GAL3ST2: variants seen among roughly 807,000 people sequenced by gnomAD.
GAL3ST2 encodes beta-galactose-3-O-sulfotransferase 2.
A neutral mutation model predicts 12.9 loss-of-function variants in GAL3ST2; 16 were observed. The observed-to-expected ratio is 1.24, with a 90% confidence interval of 0.84 to 1.88. GAL3ST2 has a LOEUF of 1.88. GAL3ST2 is among the 40% of genes most tolerant of loss of function. The pLI, the probability that GAL3ST2 is intolerant of heterozygous loss-of-function variation, is 0.00. For synonymous variants in GAL3ST2, 302 were observed against 273.9 expected (o/e 1.10, Z -1.01); for missense variants, 639 against 571.8 (o/e 1.12, Z -1.20).
At chr2:241,789,202 G>A (rs62193065) in intron 1 of GAL3ST2, among the ~76,000 whole-genome samples, 37,290 of 152,076 alleles carry the variant, frequency 0.25, 5,834 homozygotes, top group African/African-American at 0.45. Flanking sequence ...CCACTGTTTC[G>A]ATCTAGCAGG....
At position 241,795,740 on chromosome 2, in the gene GAL3ST2, T is replaced by C. The variant is rs562456520; in HGVS notation, c.30-3325T>C. Among the ~76,000 whole-genome samples the C allele has an allele frequency of 1.1e-3, 174 of 152,362 alleles. 1 individual carries two copies. The highest frequency in any genetic ancestry group is 2.2e-3 in the Non-Finnish European group (150 of 68,040). On this transcript the variant is annotated intron_variant, in intron 1 of 3. Coordinates refer to ENST00000192314, the MANE Select transcript of GAL3ST2 (RefSeq NM_022134.3). The surrounding 1 kb of genome is among the most constrained non-coding windows in gnomAD (Gnocchi z 4.5). ...GGCCTCGTTTGGGTTTGGGAAAACA[T>C]GTCCTCTCTCACGAAGACGTGGGTG... is the stretch of plus-strand genomic sequence containing the variant.
In GAL3ST2 at chr2:241,793,365, G is replaced by A. The variant is rs144926955; in HGVS notation, c.30-5700G>A. ...CTGTATGTATGTGTGTGTATTGTGT[G>A]TGTATGTATGTATTGTGTATGCATG... On this transcript the variant is annotated intron_variant, in intron 1 of 3. Coordinates refer to ENST00000192314, the MANE Select transcript of GAL3ST2 (RefSeq NM_022134.3). This position sits in a 1 kb window ranked among gnomAD's most constrained non-coding sequence, Gnocchi z 4.7. Among the ~76,000 whole-genome samples, 3 of 152,124 alleles carry A rather than the reference G, an allele frequency of 2.0e-5. No individual in the cohort carries two copies. The East Asian group carries it at 5.8e-4, about 29-fold the overall frequency.
chr2:241,789,481 C>T (rs1699671126), intron 1 of GAL3ST2, among the ~76,000 whole-genome samples: 1 of 152,134 alleles, frequency 6.6e-6, no homozygotes, highest in African/African-American at 2.4e-5. Flanking sequence ...CTTTAATATG[C>T]AAATTTAAGA....
rs531247029 is a variant in GAL3ST2, at chr2:241,795,609, C to T, written c.30-3456C>T. 1.3e-5 allele frequency among the ~76,000 whole-genome samples: 2 copies of T among 152,084 alleles called. No homozygotes were observed. Among genetic ancestry groups the T allele is most frequent in the East Asian group, 1.9e-4 (1 of 5,144 alleles). ...GAGTTAATCTCTAACTGTGCGGAGC[C>T]GTAAAACTGCCCTTCCCACCTCGTG... On this transcript the variant is annotated intron_variant, in intron 1 of 3. Coordinates refer to ENST00000192314, the MANE Select transcript of GAL3ST2 (RefSeq NM_022134.3). The surrounding 1 kb of genome is among the most constrained non-coding windows in gnomAD (Gnocchi z 4.5).
Position 241,793,655 on chromosome 2 carries a change from C to T in GAL3ST2, c.30-5410C>T, listed in dbSNP as rs1187503646. ...TGTTTGTGTGTACATATTGTGTATGCATATGTGTGTGTATGCACATATTGT... is the reference window on the plus strand; with the variant it reads ...TGTTTGTGTGTACATATTGTGTATGTATATGTGTGTGTATGCACATATTGT... On this transcript the variant is annotated intron_variant, in intron 1 of 3. Transcript: ENST00000192314. This position sits in a 1 kb window ranked among gnomAD's most constrained non-coding sequence, Gnocchi z 4.7. Among the ~76,000 whole-genome samples, 1 of 147,582 alleles carries T rather than the reference C, an allele frequency of 6.8e-6. No homozygotes were observed.
At chr2:241,798,348 C>T (rs765067182) in intron 1 of GAL3ST2, among the ~76,000 whole-genome samples, 1 of 152,220 alleles carries the variant, frequency 6.6e-6, no homozygotes, top group Non-Finnish European at 1.5e-5. Context: ...TGCTTCTCAC[C>T]GTTCTGGAGG....
chr2:241,788,695 A>G (rs1377211006), intron 1 of GAL3ST2, among the ~76,000 whole-genome samples: 1 of 152,180 alleles, frequency 6.6e-6, no homozygotes, highest in Non-Finnish European at 1.5e-5. Context: ...GCAGCCCTTC[A>G]GGGAAATCCC....
intron 1 of GAL3ST2, among the ~76,000 whole-genome samples, chr2:241,787,465 A>ATGT: frequency 6.7e-6 from 1 of 149,930 alleles, no homozygotes; most frequent in Non-Finnish European, 1.5e-5. Flanking sequence ...GTCCGGGAGC[A>ATGT]CCCCCTCCAG....
At chr2:241,784,383 G>T (rs1699603672) in intron 1 of GAL3ST2, among the ~76,000 whole-genome samples, 1 of 152,062 alleles carries the variant, frequency 6.6e-6, no homozygotes, top group Non-Finnish European at 1.5e-5. Context: ...TCTGTTTTGG[G>T]CTGCCTTTAT....
intron 1 of GAL3ST2, among the ~76,000 whole-genome samples, chr2:241,798,859 G>A (rs916256067): frequency 1.1e-4 from 16 of 152,164 alleles, no homozygotes; most frequent in African/African-American, 2.9e-4. Flanking sequence ...AGGGGTGGTC[G>A]GGATGGGGTC....
At chr2:241,792,276 T>C (rs111880961) in intron 1 of GAL3ST2, among the ~76,000 whole-genome samples, 2 of 152,052 alleles carry the variant, frequency 1.3e-5, no homozygotes, top group African/African-American at 4.8e-5. Context: ...GTGATCCACC[T>C]GCCTCAGCCT....
intron 1 of GAL3ST2, among the ~76,000 whole-genome samples, chr2:241,780,294 A>G (rs1474392216): frequency 6.6e-6 from 1 of 152,032 alleles, no homozygotes; most frequent in Non-Finnish European, 1.5e-5. Flanking sequence ...GCCGAGGTGG[A>G]TGGATCATGA....
Position 241,801,747 on chromosome 2 carries a change from C to A in GAL3ST2, c.120-34C>A, listed in dbSNP as rs1236627665. The stretch of plus-strand genomic sequence containing the variant: ...TGGGCGGGGGTTGGGGCATCTGCAC[C>A]CTTGCTGAAGGCTGCGTGTGCCTTC... On this transcript the variant is annotated intron_variant, in intron 2 of 3. Coordinates refer to ENST00000192314, the MANE Select transcript of GAL3ST2 (RefSeq NM_022134.3). The surrounding 1 kb of genome is among the most constrained non-coding windows in gnomAD (Gnocchi z 4.4). The A allele has an allele frequency of 1.2e-6, 2 of 1,600,584 alleles. No homozygotes were observed.
At chr2:241,794,346 G>A (rs1218938460) in intron 1 of GAL3ST2, among the ~76,000 whole-genome samples, 3 of 152,214 alleles carry the variant, frequency 2.0e-5, no homozygotes, top group Non-Finnish European at 1.5e-5. Flanking sequence ...TCCTGCAGGC[G>A]CTCACAGCTC....
At chr2:241,785,552 CAAAAAAAAA>C (rs80247515) in intron 1 of GAL3ST2, among the ~76,000 whole-genome samples, 1 of 72,836 alleles carries the variant, frequency 1.4e-5, no homozygotes, top group Admixed American at 1.3e-4. Context: ...AACTCCGTCT[CAAAAAAAAA>C]AAAAAAAAAA....
In GAL3ST2 at chr2:241,803,802, T is replaced by C. The variant is rs1213480034; in HGVS notation, c.833T>C (p.Leu278Pro). Residue 278 changes from leucine to proline, a missense_variant, in exon 4 of 4, where the codon CTG (leucine) becomes CCG (proline). By Grantham distance (98) the Leu-to-Pro change is moderately conservative. Transcript: ENST00000192314. ...GAGCGCGCGCGGAGCTGGTGCGCGC[T>C]GGACTGGCGCCTGTACGAGCATTTC... ...TRERARSWCA[L>P]DWRLYEHFNR... is the part of the protein sequence containing the mutation. The C allele has an allele frequency of 3.3e-6, 5 of 1,497,746 alleles. No homozygotes were observed. Among genetic ancestry groups the C allele is most frequent in the Non-Finnish European group, 4.4e-6 (5 of 1,131,366 alleles). The allele number at this position is 1,497,746 out of a possible 1,614,324, so 92.8% of individuals were successfully genotyped here.
chr2:241,802,054 G>C lies in GAL3ST2; in HGVS notation c.375+18G>C. Reference sequence around the variant, plus strand: ...TGCCTCAGGTACCGCGGGCCTGCTGGGGAGGAGGGCGGGCTGCAGCCGTGC... The same window carrying C: ...TGCCTCAGGTACCGCGGGCCTGCTGCGGAGGAGGGCGGGCTGCAGCCGTGC... On this transcript the variant is annotated intron_variant, in intron 3 of 3. Transcript: ENST00000192314. This position sits in a 1 kb window ranked among gnomAD's most constrained non-coding sequence, Gnocchi z 4.8. 1 of 1,598,220 alleles carries C rather than the reference G, an allele frequency of 6.3e-7. No homozygotes were observed. The highest frequency in any genetic ancestry group is 8.5e-7 in the Non-Finnish European group (1 of 1,172,618).
At position 241,803,814 on chromosome 2, in the gene GAL3ST2, T is replaced by C. The variant is rs1258469645; in HGVS notation, c.845T>C (p.Leu282Pro). The change falls in exon 4 of 4, where the codon CTG becomes CCG. Residue 282 changes from leucine to proline, a missense_variant. Coordinates refer to ENST00000192314, the MANE Select transcript of GAL3ST2 (RefSeq NM_022134.3). ...AGCTGGTGCGCGCTGGACTGGCGCCTGTACGAGCATTTCAACCGCACCCTC... is the reference window on the plus strand; with the variant it reads ...AGCTGGTGCGCGCTGGACTGGCGCCCGTACGAGCATTTCAACCGCACCCTC... The part of the protein sequence containing the change: ...ARSWCALDWR[L>P]YEHFNRTLWA... 1 of 1,493,332 alleles carries C rather than the reference T, an allele frequency of 6.7e-7. No homozygotes were observed. The highest frequency in any genetic ancestry group is 8.9e-7 in the Non-Finnish European group (1 of 1,129,780). 92.5% of individuals were successfully genotyped at this position (1,493,332 alleles called of 1,614,324 possible). A position where few individuals can be genotyped will look rare whatever the true frequency, so the allele number is the denominator to read the frequency against.
In GAL3ST2 at chr2:241,803,468, C is replaced by T; in HGVS notation, c.499C>T (p.Leu167=). 6.2e-7 allele frequency: 1 copy of T among 1,611,834 alleles called. No individual in the cohort carries two copies. Among genetic ancestry groups the T allele is most frequent in the Non-Finnish European group, 8.5e-7 (1 of 1,179,422 alleles). Reference sequence around the variant, plus strand: ...CCCCGCCTTCCGGGGCGCCCCGAGCCTGGACGCGTTCCTGGCCTCGCCGCG... The same window carrying T: ...CCCCGCCTTCCGGGGCGCCCCGAGCTTGGACGCGTTCCTGGCCTCGCCGCG... The part of the protein sequence containing the change: ...YAPAFRGAPS[L]DAFLASPRTF... The change falls in exon 4 of 4, where the codon CTG becomes TTG. Residue 167 remains leucine (L), a synonymous_variant. Coordinates refer to ENST00000192314, the MANE Select transcript of GAL3ST2 (RefSeq NM_022134.3).
Sources: gnomAD v4.1 joint callset for allele counts (sites outside exome capture counted in the v4.1 genomes callset) on GRCh38, gnomAD v4.1.1 for gene constraint, Gnocchi (gnomAD v3.1) non-coding constraint, MANE v1.5 for transcripts, NCBI Gene and HGNC (gene_info 2026-07-23, HGNC 2026-07-21) for gene names.